AOAH: variants seen among roughly 807,000 people sequenced by gnomAD.
AOAH encodes acyloxyacyl hydrolase, also known as acyloxyacyl hydrolase (neutrophil).
A neutral mutation model predicts 92.2 loss-of-function variants in AOAH; 64 were observed. The ratio of observed to expected loss-of-function variants is 0.69; its 90% CI spans 0.57 to 0.86. The LOEUF is 0.86. Among genes scored for constraint, AOAH ranks in the 40% least tolerant of loss-of-function variants. The probability of loss-of-function intolerance (pLI) is 0.00; values close to 1 mark genes in which losing one functional copy is unlikely to be tolerated. For missense variants in AOAH, 656 were observed against 694.6 expected, an observed-to-expected ratio of 0.94 and a Z score of 0.62; for synonymous variants, 263 against 254.5, an observed-to-expected ratio of 1.03 and a Z score of -0.32.
At chr7:36,677,409 A>G (rs1186754801) in intron 2 of AOAH, among the ~76,000 whole-genome samples, 5 of 152,222 alleles carry the variant, frequency 3.3e-5, no homozygotes, top group Non-Finnish European at 5.9e-5. Context: ...GTCCACTATA[A>G]TGTGCTATAA....
At chr7:36,606,210 G>A (rs1447835786) in intron 11 of AOAH, among the ~76,000 whole-genome samples, 2 of 152,192 alleles carry the variant, frequency 1.3e-5, no homozygotes, top group African/African-American at 4.8e-5. Flanking sequence ...CAGACAGCGG[G>A]AAGCAGGGCG....
chr7:36,693,531 T>A (rs1234829269), intron 1 of AOAH, among the ~76,000 whole-genome samples: 2 of 101,774 alleles, frequency 2.0e-5, no homozygotes, highest in Admixed American at 1.1e-4. Flanking sequence ...ATAGTTGAAA[T>A]TATTTTTTTG....
intron 4 of AOAH, among the ~76,000 whole-genome samples, chr7:36,642,171 C>T (rs182018786): frequency 3.5e-3 from 534 of 151,838 alleles, no homozygotes; most frequent in South Asian, 8.6e-3. Flanking sequence ...AAAGTAATTG[C>T]GGTTTTGCCA....
chr7:36,583,225 G>T (rs12701514), intron 12 of AOAH, among the ~76,000 whole-genome samples: 154 of 151,938 alleles, frequency 1.0e-3, no homozygotes, highest in African/African-American at 3.6e-3. Flanking sequence ...AAATACCTGG[G>T]GATATTTGAT....
intron 3 of AOAH, among the ~76,000 whole-genome samples, chr7:36,672,188 A>C (rs1223904670): frequency 6.6e-6 from 1 of 152,192 alleles, no homozygotes; most frequent in Non-Finnish European, 1.5e-5. Flanking sequence ...AGGCAGATGC[A>C]CAGTATGACA....
intron 11 of AOAH, among the ~76,000 whole-genome samples, chr7:36,595,847 G>A (rs572384129): frequency 8.8e-4 from 134 of 152,222 alleles, no homozygotes; most frequent in Middle Eastern, 3.4e-3. Flanking sequence ...TGCTCCCTTC[G>A]GGTAAATGTG....
rs1324237860 is a variant in AOAH, at chr7:36,713,014, C to A, written c.127+11008G>T. 2.0e-5 allele frequency among the ~76,000 whole-genome samples: 3 copies of A among 148,226 alleles called. No individual in the cohort carries two copies. In the East Asian group the frequency reaches 6.0e-4, roughly 30 times the overall value. On this transcript the variant is annotated intron_variant, in intron 1 of 20. Transcript: ENST00000617537. ...CTTAAATGTAAATGGGCTAAATGAT[C>A]CAATTAAAAGACACAGACTGGCAAA...
rs549405341 is a variant in AOAH, at chr7:36,704,880, CA to C, written c.128-18087del. Among the ~76,000 whole-genome samples the C allele has an allele frequency of 4.2e-4, 64 of 152,186 alleles. 1 individual carries two copies. Among genetic ancestry groups the C allele is most frequent in the African/African-American group, 1.5e-3 (63 of 41,530 alleles). On this transcript the variant is annotated intron_variant, in intron 1 of 20. Coordinates refer to ENST00000617537, the MANE Select transcript of AOAH (RefSeq NM_001637.4). ...ATGTAATCCATCACATAAACAGAAC[CA>C]ATGACAAAAACCACGTGATTATCTC...
rs147046467 is a variant in AOAH at position 36,522,154 on chromosome 7, C to T, written c.1523-39G>A. The T allele has an allele frequency of 5.1e-4, 808 of 1,595,544 alleles. 1 individual carries two copies. The African/African-American group carries it at 9.7e-3, about 19-fold the overall frequency. The stretch of plus-strand genomic sequence containing the variant: ...AACGAGAGGGTTACAGACACACTTG[C>T]ACAAGCAACGGCCAATATCCAAGGA... On this transcript the variant is annotated intron_variant, in intron 19 of 20. Coordinates refer to ENST00000617537, the MANE Select transcript of AOAH (RefSeq NM_001637.4).
intron 12 of AOAH, among the ~76,000 whole-genome samples, chr7:36,584,965 G>A (rs1337475068): frequency 6.6e-6 from 1 of 152,184 alleles, no homozygotes; most frequent in Non-Finnish European, 1.5e-5. Flanking sequence ...GCTACAAAAT[G>A]AAGTCACCTG....
chr7:36,596,735 A>T (rs1327932579), intron 11 of AOAH, among the ~76,000 whole-genome samples: 1 of 152,164 alleles, frequency 6.6e-6, no homozygotes. Flanking sequence ...TCTTGATCTC[A>T]GACTTCCAGC....
At chr7:36,688,889 T>TTATA (rs1797212361) in intron 1 of AOAH, among the ~76,000 whole-genome samples, 1 of 151,980 alleles carries the variant, frequency 6.6e-6, no homozygotes, top group African/African-American at 2.4e-5. Flanking sequence ...ATGGGTATAC[T>TTATA]TGTGTGTATA....
At chr7:36,652,101 G>A (rs774458713) in intron 4 of AOAH, among the ~76,000 whole-genome samples, 3 of 152,050 alleles carry the variant, frequency 2.0e-5, no homozygotes, top group South Asian at 2.1e-4. Flanking sequence ...GGTCTCCTTC[G>A]GGACATGCTG....
intron 20 of AOAH, among the ~76,000 whole-genome samples, chr7:36,515,702 C>T (rs1226680405): frequency 2.7e-5 from 3 of 110,446 alleles, no homozygotes; most frequent in African/African-American, 7.3e-5. Context: ...CATAATCACA[C>T]ACCCCCCCAC....
chr7:36,541,584 T>C (rs1452834379), intron 15 of AOAH, among the ~76,000 whole-genome samples: 1 of 152,266 alleles, frequency 6.6e-6, no homozygotes, highest in Non-Finnish European at 1.5e-5. Context: ...TTTAAAGTTA[T>C]GTTTGGGTGC....
intron 12 of AOAH, among the ~76,000 whole-genome samples, chr7:36,578,619 A>G (rs118065369): frequency 2.6e-5 from 4 of 152,302 alleles, no homozygotes; most frequent in Non-Finnish European, 5.9e-5. Context: ...TCTAAGTAAC[A>G]TACTTTTAAG....
chr7:36,573,752 G>A (rs1196053915), intron 13 of AOAH, among the ~76,000 whole-genome samples: 2 of 152,074 alleles, frequency 1.3e-5, no homozygotes, highest in African/African-American at 4.8e-5. Flanking sequence ...ATCACTGACT[G>A]GGGTTCATGA....
At chr7:36,521,962 A>C (rs1718871355) in intron 20 of AOAH, 77 bp downstream of exon 20, 2 of 1,217,880 alleles carry the variant, frequency 1.6e-6, no homozygotes, top group Non-Finnish European at 2.4e-6. Flanking sequence ...AAAAATAAAC[A>C]CATGAATGTG....
At position 36,517,206 on chromosome 7, in the gene AOAH, C is replaced by CTTTCTTTCTTTCTTTCTTTCTTTCT. The variant is rs1554360930; in HGVS notation, c.1600-3827_1600-3826insAGAAAGAAAGAAAGAAAGAAAGAAA. The stretch of plus-strand genomic sequence containing the variant: ...TCTTTCTTTCTTTCTTTCTTTCTTT[C>CTTTCTTTCTTTCTTTCTTTCTTTCT]TTTCTTTCTCTTTCTTTCTGTCTCT... On this transcript the variant is annotated intron_variant, in intron 20 of 20. Transcript: ENST00000617537. 7.2e-3 allele frequency among the ~76,000 whole-genome samples: 342 copies of CTTTCTTTCTTTCTTTCTTTCTTTCT among 47,238 alleles called. 8 individuals are homozygous for CTTTCTTTCTTTCTTTCTTTCTTTCT. Among genetic ancestry groups the CTTTCTTTCTTTCTTTCTTTCTTTCT allele is most frequent in the African/African-American group, 0.01 (195 of 19,330 alleles). 31.0% of individuals were successfully genotyped at this position (47,238 alleles called of 152,430 possible).
Sources: allele counts gnomAD v4.1 joint callset (sites outside exome capture counted in the v4.1 genomes callset), GRCh38; gene constraint gnomAD v4.1.1; transcripts MANE v1.5; gene names NCBI Gene and HGNC (gene_info 2026-07-23, HGNC 2026-07-21).